Variants in EEA1 observed in about 807,000 individuals in gnomAD.
EEA1 encodes early endosome antigen 1.
In EEA1, 111 loss-of-function variants were observed where a neutral mutation model predicts 209.2. The observed-to-expected ratio is 0.53, with a 90% CI of 0.45 to 0.62. The LOEUF (loss-of-function observed/expected upper bound fraction) is 0.62. Ranked by LOEUF, EEA1 falls within the 20% of genes least tolerant of loss-of-function variation. EEA1 has a pLI of 0.00. For missense variants in EEA1, 1,343 were observed against 1,530.8 expected (o/e 0.88, Z 2.05); for synonymous variants, 536 against 540.6 (o/e 0.99, Z 0.12).
intron 20 of EEA1, among the ~76,000 whole-genome samples, chr12:92,799,687 T>A (rs1235630696): frequency 6.6e-6 from 1 of 151,866 alleles, no homozygotes; most frequent in Non-Finnish European, 1.5e-5. Context: ...CTCGGGAGGT[T>A]GAGGCAGGAG....
At chr12:92,858,665 C>T in intron 3 of EEA1, 1 of 736,856 alleles carries the variant, frequency 1.4e-6, no homozygotes. Flanking sequence ...GATTGAGGTG[C>T]TATGCTTCCC....
intron 1 of EEA1, among the ~76,000 whole-genome samples, chr12:92,901,652 C>G (rs1028077028): frequency 2.0e-5 from 3 of 151,756 alleles, no homozygotes; most frequent in Admixed American, 1.3e-4. Context: ...ACTGCAACCT[C>G]TGCCTCCCAG....
rs1414066116 is a variant in EEA1 at position 92,921,883 on chromosome 12, A to G, written c.24+7160T>C. Among the ~76,000 whole-genome samples, 178 of 146,254 alleles carry G rather than the reference A, an allele frequency of 1.2e-3. 2 individuals carry two copies. Among genetic ancestry groups the G allele is most frequent in the African/African-American group, 3.7e-3 (144 of 38,986 alleles). On this transcript the variant is annotated intron_variant, in intron 1 of 28. Coordinates refer to ENST00000322349, the MANE Select transcript of EEA1 (RefSeq NM_003566.4). ...CTCTGTCTCAAAAAAAAAAAAAAAA[A>G]AAAGAAAAAAAGAAAAGAAAGCTAT... is the stretch of plus-strand genomic sequence containing the variant.
At chr12:92,926,077 T>G (rs1881202765) in intron 1 of EEA1, among the ~76,000 whole-genome samples, 1 of 151,470 alleles carries the variant, frequency 6.6e-6, no homozygotes, top group South Asian at 2.1e-4. Flanking sequence ...CACTGCAATC[T>G]CCACCTCCCG....
At chr12:92,873,181 C>T (rs1175481567) in intron 2 of EEA1, among the ~76,000 whole-genome samples, 2 of 152,120 alleles carry the variant, frequency 1.3e-5, no homozygotes, top group Non-Finnish European at 2.9e-5. Flanking sequence ...GGGGCTAATA[C>T]TAGCACCTAT....
chr12:92,860,472 A>G (rs1418386208), intron 3 of EEA1, among the ~76,000 whole-genome samples: 1 of 152,106 alleles, frequency 6.6e-6, no homozygotes, highest in Non-Finnish European at 1.5e-5. Context: ...CTAATTGCTT[A>G]TTTATTGTAT....
At chr12:92,922,211 AC>A (rs1411745757) in intron 1 of EEA1, among the ~76,000 whole-genome samples, 2 of 152,070 alleles carry the variant, frequency 1.3e-5, no homozygotes, top group Non-Finnish European at 2.9e-5. Context: ...GGAAGTCCAG[AC>A]CTCTAGTTCA....
chr12:92,881,163 G>C (rs1340247798), intron 2 of EEA1, among the ~76,000 whole-genome samples: 2 of 152,154 alleles, frequency 1.3e-5, no homozygotes, highest in African/African-American at 4.8e-5. Flanking sequence ...CAGCACTTTG[G>C]GAAGCCGAGG....
chr12:92,903,777 A>G (rs1880251207), intron 1 of EEA1, among the ~76,000 whole-genome samples: 1 of 152,178 alleles, frequency 6.6e-6, no homozygotes, highest in Admixed American at 6.5e-5. Flanking sequence ...ATACATACAC[A>G]TAAAGAGATT....
At chr12:92,924,366 C>A (rs569609672) in intron 1 of EEA1, among the ~76,000 whole-genome samples, 1 of 151,882 alleles carries the variant, frequency 6.6e-6, no homozygotes, top group Non-Finnish European at 1.5e-5. Flanking sequence ...CGCCACCACG[C>A]CCAGCTAATT....
chr12:92,906,093 C>CTTTT (rs112834673), intron 1 of EEA1, among the ~76,000 whole-genome samples: 3 of 139,498 alleles, frequency 2.2e-5, no homozygotes, highest in Admixed American at 1.4e-4. Context: ...CTTTTCTTTT[C>CTTTT]TTTTTTTTTT....
At chr12:92,786,884 A>T (rs1874158730) in intron 22 of EEA1, among the ~76,000 whole-genome samples, 1 of 152,178 alleles carries the variant, frequency 6.6e-6, no homozygotes, top group African/African-American at 2.4e-5. Flanking sequence ...TTTAAACCTT[A>T]ATTCCAAACA....
At chr12:92,916,645 A>G (rs1466496951) in intron 1 of EEA1, among the ~76,000 whole-genome samples, 1 of 53,808 alleles carries the variant, frequency 1.9e-5, no homozygotes, top group African/African-American at 1.1e-4. Context: ...AGATGGGGAA[A>G]AAACAGAACA....
At position 92,782,093 on chromosome 12, in the gene EEA1, A is replaced by T. The variant is rs1379021975; in HGVS notation, c.3193T>A (p.Ser1065Thr). The T allele has an allele frequency of 1.8e-5, 29 of 1,612,658 alleles. No individual in the cohort carries two copies. Among genetic ancestry groups the T allele is most frequent in the Non-Finnish European group, 2.5e-5 (29 of 1,179,166 alleles). Residue 1065 changes from serine to threonine, a missense_variant, in exon 23 of 29, where the codon TCA becomes ACA. Ser to Thr is a moderately conservative substitution (Grantham distance 58). Around this residue, in one of 3 missense-constraint regions of EEA1, gnomAD observed 1,307 missense variants for 1,465.5 expected, o/e 0.89. Coordinates refer to ENST00000322349, the MANE Select transcript of EEA1 (RefSeq NM_003566.4). ...KLSLAQEDLISNRNQIGNQNK... is the reference protein window; with the variant it reads ...KLSLAQEDLITNRNQIGNQNK... The stretch of plus-strand genomic sequence containing the variant: ...TGATTTCCAATTTGATTTCTGTTTG[A>T]AATCAAGTCCTCCTGTGCTAGAGAA...
Position 92,876,544 on chromosome 12 carries a change from C to T in EEA1, c.118-11557G>A, listed in dbSNP as rs542867991. Among the ~76,000 whole-genome samples the T allele has an allele frequency of 2.6e-5, 4 of 152,240 alleles. No homozygotes were observed. In the East Asian group the frequency reaches 5.8e-4, roughly 22 times the overall value. On this transcript the variant is annotated intron_variant, in intron 2 of 28. Coordinates refer to ENST00000322349, the MANE Select transcript of EEA1 (RefSeq NM_003566.4). The stretch of plus-strand genomic sequence containing the variant: ...TATGAACCGGGAAATGGGCCCTCAT[C>T]AGACATCAAATCTGCCAGCACCTTG...
At chr12:92,819,854 T>C (rs1338096921) in intron 13 of EEA1, among the ~76,000 whole-genome samples, 1 of 152,134 alleles carries the variant, frequency 6.6e-6, no homozygotes, top group Non-Finnish European at 1.5e-5. Context: ...TTCAAAGCCT[T>C]AGTGTACCAA....
chr12:92,864,057 AAAGG>A (rs1275792049), intron 3 of EEA1, among the ~76,000 whole-genome samples: 1 of 152,248 alleles, frequency 6.6e-6, no homozygotes, highest in African/African-American at 2.4e-5. Flanking sequence ...GTCATATTAA[AAAGG>A]AAGATCCATT....
chr12:92,812,042 C>T (rs1173931013), intron 16 of EEA1, among the ~76,000 whole-genome samples: 1 of 151,898 alleles, frequency 6.6e-6, no homozygotes, highest in Non-Finnish European at 1.5e-5. Context: ...AAAAAATGGA[C>T]CAATAAAGCC....
intron 11 of EEA1, among the ~76,000 whole-genome samples, chr12:92,829,656 G>GAGCCTT (rs1211855384): frequency 6.6e-6 from 1 of 151,766 alleles, no homozygotes; most frequent in East Asian, 1.9e-4. Flanking sequence ...GCATGTGCCT[G>GAGCCTT]AAGTCCCGGC....
Sources: allele counts gnomAD v4.1 joint callset (sites outside exome capture counted in the v4.1 genomes callset), GRCh38; gene constraint gnomAD v4.1.1; regional missense constraint gnomAD v4.1.1; transcripts MANE v1.5; gene names NCBI Gene and HGNC (gene_info 2026-07-23, HGNC 2026-07-21).